Variants in SETBP1 observed in about 807,000 individuals in gnomAD.
SETBP1 encodes the protein SET binding protein 1.
Under a neutral mutation model 101.0 loss-of-function variants are expected in SETBP1, and 9 were observed. The observed-to-expected ratio is 0.09, with a 90% CI of 0.05 to 0.16. The LOEUF (loss-of-function observed/expected upper bound fraction) is 0.16. Among genes scored for constraint, SETBP1 ranks in the 10% least tolerant of loss-of-function variants. The pLI, the probability that SETBP1 is intolerant of heterozygous loss-of-function variation, is 1.00. For missense variants in SETBP1, 1,858 were observed against 2,033.8 expected (o/e 0.91, Z 1.66); for synonymous variants, 818 against 788.5 (o/e 1.04, Z -0.63).
chr18:44,694,580 C>T (rs1180864379), intron 1 of SETBP1, among the ~76,000 whole-genome samples: 1 of 152,184 alleles, frequency 6.6e-6, no homozygotes, highest in Non-Finnish European at 1.5e-5. Flanking sequence ...ACAGTGGGCT[C>T]TTATGAACCC....
chr18:44,894,956 T>TAA (rs71297942), intron 3 of SETBP1, among the ~76,000 whole-genome samples: 10,988 of 132,000 alleles, frequency 0.083, 513 homozygotes, highest in South Asian at 0.11. Flanking sequence ...CTGCAAAACT[T>TAA]AAAAAAAAAA....
intron 2 of SETBP1, among the ~76,000 whole-genome samples, chr18:44,787,069 C>T (rs114884586): frequency 1.3e-3 from 198 of 152,190 alleles, no homozygotes; most frequent in African/African-American, 4.4e-3. Flanking sequence ...CAGTTTTATT[C>T]GGATGGTGTG....
chr18:45,042,120 G>GAAAA (rs1365680189), intron 5 of SETBP1, among the ~76,000 whole-genome samples: 2 of 147,826 alleles, frequency 1.4e-5, no homozygotes, highest in African/African-American at 5.0e-5. Context: ...AGACATCTGA[G>GAAAA]AAAAACATAC....
At chr18:44,795,231 C>A (rs1034474301) in intron 2 of SETBP1, among the ~76,000 whole-genome samples, 1 of 152,136 alleles carries the variant, frequency 6.6e-6, no homozygotes, top group Admixed American at 6.5e-5. Flanking sequence ...TATTAAAATG[C>A]CACAGTGATG....
intron 2 of SETBP1, among the ~76,000 whole-genome samples, chr18:44,785,415 G>A (rs1452998588): frequency 6.6e-6 from 1 of 152,114 alleles, no homozygotes; most frequent in Non-Finnish European, 1.5e-5. Context: ...AACTTTTGGA[G>A]GGATGAGGTA....
At chr18:44,779,138 C>CAG (rs1413492137) in intron 2 of SETBP1, among the ~76,000 whole-genome samples, 1 of 152,200 alleles carries the variant, frequency 6.6e-6, no homozygotes, top group Non-Finnish European at 1.5e-5. Flanking sequence ...TTTGTGACTT[C>CAG]AGAGAGTCAC....
intron 2 of SETBP1, among the ~76,000 whole-genome samples, chr18:44,741,885 T>G (rs2070107078): frequency 6.6e-6 from 1 of 152,150 alleles, no homozygotes; most frequent in African/African-American, 2.4e-5. Context: ...TTTCTTGGGT[T>G]CCAGTTCCCA....
At chr18:44,990,373 C>G (rs1305423661) in intron 4 of SETBP1, among the ~76,000 whole-genome samples, 1 of 152,064 alleles carries the variant, frequency 6.6e-6, no homozygotes, top group African/African-American at 2.4e-5. Flanking sequence ...GTGGGAGAAT[C>G]AGTTGAGGCC....
At chr18:44,963,040 T>C (rs1599382693) in intron 4 of SETBP1, among the ~76,000 whole-genome samples, 1 of 152,298 alleles carries the variant, frequency 6.6e-6, no homozygotes, top group East Asian at 1.9e-4. Flanking sequence ...GTGTTGCTTT[T>C]CCACTCGACA....
intron 4 of SETBP1, among the ~76,000 whole-genome samples, chr18:44,981,395 A>G (rs1234104401): frequency 1.3e-5 from 2 of 152,224 alleles, no homozygotes; most frequent in Admixed American, 6.5e-5. Context: ...CTTACACGGA[A>G]TCAATGCTTA....
At chr18:45,057,202 CT>C (rs2073823585) in intron 5 of SETBP1, among the ~76,000 whole-genome samples, 1 of 152,038 alleles carries the variant, frequency 6.6e-6, no homozygotes, top group African/African-American at 2.4e-5. Flanking sequence ...AACTTGCCAT[CT>C]TTTTCAAAAG....
chr18:44,800,971 G>A (rs376740435), intron 2 of SETBP1, among the ~76,000 whole-genome samples: 4 of 152,130 alleles, frequency 2.6e-5, no homozygotes, highest in African/African-American at 4.8e-5. Flanking sequence ...ATGAGTTCAC[G>A]TCCTTTGTAG....
chr18:44,890,516 A>G (rs2069743868), intron 3 of SETBP1, among the ~76,000 whole-genome samples: 1 of 152,042 alleles, frequency 6.6e-6, no homozygotes, highest in Non-Finnish European at 1.5e-5. Flanking sequence ...GTATTTGGAG[A>G]TGTTTGTATA....
intron 3 of SETBP1, among the ~76,000 whole-genome samples, chr18:44,923,404 A>G (rs1305989739): frequency 6.6e-6 from 1 of 152,206 alleles, no homozygotes; most frequent in East Asian, 1.9e-4. Flanking sequence ...CATGTCCAGA[A>G]TCACCCAGAG....
intron 4 of SETBP1, among the ~76,000 whole-genome samples, chr18:44,955,739 A>G (rs1198112157): frequency 1.3e-5 from 2 of 152,204 alleles, no homozygotes; most frequent in East Asian, 3.9e-4. Context: ...AGCTGTGTTT[A>G]GAACACAGCT....
At chr18:44,766,256 G>T (rs2070761916) in intron 2 of SETBP1, among the ~76,000 whole-genome samples, 1 of 152,218 alleles carries the variant, frequency 6.6e-6, no homozygotes, top group Admixed American at 6.5e-5. Context: ...ACGGGTCATG[G>T]GGCTTGGCTT....
chr18:44,907,389 TA>T (rs1371826729), intron 3 of SETBP1, among the ~76,000 whole-genome samples: 1 of 152,216 alleles, frequency 6.6e-6, no homozygotes, highest in East Asian at 1.9e-4. Context: ...AATTTTGGGA[TA>T]TGTGGTAATT....
rs771194692 is a variant in SETBP1, at chr18:44,952,342, A to G, written c.3002A>G (p.Tyr1001Cys). 6.2e-7 allele frequency: 1 copy of G among 1,614,156 alleles called. No individual in the cohort carries two copies. Among genetic ancestry groups the G allele is most frequent in the Non-Finnish European group, 8.5e-7 (1 of 1,180,032 alleles). The change falls in exon 4 of 6, where the codon TAT becomes TGT. Residue 1001 changes from tyrosine to cysteine, a missense_variant. By Grantham distance (194) the Tyr-to-Cys change is radical. Around this residue, in one of 12 missense-constraint regions of SETBP1, gnomAD observed 255 missense variants for 300.1 expected, o/e 0.85. Coordinates refer to ENST00000649279, the MANE Select transcript of SETBP1 (RefSeq NM_015559.3). ...TATTACCCGGTGCCATATATCCAGT[A>G]TGACCCGTTGCTCTATCTTCGTAGG... Reference protein sequence around the residue: ...DHYYPVPYIQYDPLLYLRRTS... With the variant: ...DHYYPVPYIQCDPLLYLRRTS...
At chr18:45,019,596 T>A (rs2073016069) in intron 4 of SETBP1, among the ~76,000 whole-genome samples, 1 of 152,224 alleles carries the variant, frequency 6.6e-6, no homozygotes, top group Non-Finnish European at 1.5e-5. Context: ...CAGGTTCCTG[T>A]CAAACCTGAC....
Sources: gnomAD v4.1 joint callset for allele counts (sites outside exome capture counted in the v4.1 genomes callset) on GRCh38, gnomAD v4.1.1 for gene constraint, gnomAD v4.1.1 regional missense constraint, MANE v1.5 for transcripts, NCBI Gene and HGNC (gene_info 2026-07-23, HGNC 2026-07-21) for gene names.